Variants in RTN1 observed in about 807,000 individuals in gnomAD.
The protein encoded by RTN1 is reticulon-1.
In RTN1, 25 loss-of-function variants were observed where a neutral mutation model predicts 65.5. The ratio of observed to expected loss-of-function variants is 0.38; its 90% confidence interval spans 0.28 to 0.53. The LOEUF (loss-of-function observed/expected upper bound fraction) is 0.53. RTN1 is among the 20% of genes least tolerant of loss of function. The pLI, the probability that RTN1 is intolerant of heterozygous loss-of-function variation, is 0.79. For synonymous variants in RTN1, 471 were observed against 447.6 expected (o/e 1.05, Z -0.66); for missense variants, 983 against 1,025.4 (o/e 0.96, Z 0.57).
intron 1 of RTN1, among the ~76,000 whole-genome samples, chr14:59,817,802 T>C (rs1886849780): frequency 6.6e-6 from 1 of 152,204 alleles, no homozygotes; most frequent in African/African-American, 2.4e-5. Context: ...TCTCTATTTT[T>C]GCTAGTTAAA....
chr14:59,749,877 A>C (rs1169569138), intron 1 of RTN1, among the ~76,000 whole-genome samples: 5 of 113,606 alleles, frequency 4.4e-5, no homozygotes, highest in Non-Finnish European at 8.3e-5. Context: ...TTATATATCT[A>C]TATATATACA....
intron 3 of RTN1, among the ~76,000 whole-genome samples, chr14:59,690,298 C>T (rs747571570): frequency 3.4e-5 from 5 of 147,054 alleles, no homozygotes; most frequent in Non-Finnish European, 5.9e-5. Context: ...AAACAAAGAG[C>T]GGAGGTGGGG....
Position 59,745,360 on chromosome 14 carries a change from C to G in RTN1, c.1015+348G>C, listed in dbSNP as rs1026618982. Among the ~76,000 whole-genome samples, 14 of 152,266 alleles carry G rather than the reference C, an allele frequency of 9.2e-5. No individual in the cohort carries two copies. The East Asian group carries it at 2.7e-3, about 29-fold the overall frequency. On this transcript the variant is annotated intron_variant, in intron 2 of 8. Coordinates refer to ENST00000267484, the MANE Select transcript of RTN1 (RefSeq NM_021136.3). ...AACCCAGATCCTAGCCGAAAGCTAA[C>G]TGAGAAGCAGGCAGTACTGAATTCT...
chr14:59,724,200 C>T (rs968360595), intron 3 of RTN1, among the ~76,000 whole-genome samples: 5 of 152,170 alleles, frequency 3.3e-5, no homozygotes, highest in South Asian at 4.1e-4. Context: ...GAAAGAACTG[C>T]GTTTTGTCTC....
At chr14:59,755,686 T>C (rs1885623813) in intron 1 of RTN1, among the ~76,000 whole-genome samples, 1 of 152,198 alleles carries the variant, frequency 6.6e-6, no homozygotes, top group South Asian at 2.1e-4. Context: ...GGAACCTCTA[T>C]GTCACCTAGA....
chr14:59,648,486 A>G (rs2140197439), intron 3 of RTN1, among the ~76,000 whole-genome samples: 1 of 152,278 alleles, frequency 6.6e-6, no homozygotes, highest in Admixed American at 6.5e-5. Context: ...GAGACACAAC[A>G]AAGAAAACTT....
chr14:59,828,847 T>C (rs1353091646), intron 1 of RTN1, among the ~76,000 whole-genome samples: 1 of 152,176 alleles, frequency 6.6e-6, no homozygotes, highest in African/African-American at 2.4e-5. Context: ...TACTCATAGA[T>C]AAATTTTCCA....
At chr14:59,616,868 G>A (rs1882116542) in intron 3 of RTN1, among the ~76,000 whole-genome samples, 1 of 152,180 alleles carries the variant, frequency 6.6e-6, no homozygotes, top group Non-Finnish European at 1.5e-5. Flanking sequence ...GTTAAACATT[G>A]CTAAACCTTT....
At chr14:59,624,239 C>T (rs1429992553) in intron 3 of RTN1, among the ~76,000 whole-genome samples, 4 of 152,100 alleles carry the variant, frequency 2.6e-5, no homozygotes, top group Non-Finnish European at 5.9e-5. Context: ...AAATAGAACA[C>T]TATACTTTTA....
At chr14:59,844,321 G>C (rs1025321939) in intron 1 of RTN1, among the ~76,000 whole-genome samples, 1 of 152,148 alleles carries the variant, frequency 6.6e-6, no homozygotes, top group African/African-American at 2.4e-5. Context: ...GTTAGTTAGT[G>C]GGGAGTGGGC....
chr14:59,783,343 C>T (rs1454855518), intron 1 of RTN1, among the ~76,000 whole-genome samples: 1 of 152,102 alleles, frequency 6.6e-6, no homozygotes, highest in Non-Finnish European at 1.5e-5. Flanking sequence ...GGGGTTATAC[C>T]TTATGAGAAA....
At chr14:59,646,204 A>G (rs1018189639) in intron 3 of RTN1, among the ~76,000 whole-genome samples, 1 of 152,268 alleles carries the variant, frequency 6.6e-6, no homozygotes, top group African/African-American at 2.4e-5. Context: ...ACTGAGGAAG[A>G]AATCTCAGAA....
intron 1 of RTN1, among the ~76,000 whole-genome samples, chr14:59,756,926 C>T (rs1024018292): frequency 2.0e-5 from 3 of 151,236 alleles, no homozygotes; most frequent in African/African-American, 7.3e-5. Flanking sequence ...TGGGTTCAAG[C>T]GATTCTCCTG....
At chr14:59,665,660 A>G (rs1300575306) in intron 3 of RTN1, among the ~76,000 whole-genome samples, 1 of 152,206 alleles carries the variant, frequency 6.6e-6, no homozygotes, top group Admixed American at 6.5e-5. Flanking sequence ...TTGGATAAAG[A>G]GTCAAGACCC....
Position 59,746,061 on chromosome 14 carries a change from T to C in RTN1, c.662A>G (p.Asp221Gly), listed in dbSNP as rs1885215367. 14 of 1,614,048 alleles carry C rather than the reference T, an allele frequency of 8.7e-6. No homozygotes were observed. Among genetic ancestry groups the C allele is most frequent in the African/African-American group, 1.3e-5 (1 of 74,930 alleles). Residue 221 changes from aspartate to glycine, a missense_variant, in exon 2 of 9, where the codon GAC becomes GGC. Physicochemically the swap from Asp to Gly is moderately conservative, Grantham distance 94. Coordinates refer to ENST00000267484, the MANE Select transcript of RTN1 (RefSeq NM_021136.3). ...GATGTCAGTGTCTTTATTCTTAAAG[T>C]CCAAGTCTTTATCTTCCAGCTCGGG... ...HHPELEDKDL[D>G]FKNKDTDISI... is the part of the protein sequence containing the mutation.
chr14:59,699,816 A>G (rs1432052937), intron 3 of RTN1, among the ~76,000 whole-genome samples: 2 of 152,174 alleles, frequency 1.3e-5, no homozygotes, highest in Non-Finnish European at 2.9e-5. Context: ...AAGCCATCCA[A>G]TCTTATTTAT....
rs899226436 is a variant in RTN1 at position 59,726,751 on chromosome 14, A to T, written c.1765+168T>A. ...TGCCACCGACTTCTGTCCCAGCTGC[A>T]GATCTGAATTCTCTCATCTCCTCCC... On this transcript the variant is annotated intron_variant, in intron 3 of 8. Transcript: ENST00000267484. Among the ~76,000 whole-genome samples the T allele has an allele frequency of 2.6e-5, 4 of 152,130 alleles. No homozygotes were observed. The East Asian group carries it at 7.7e-4, about 29-fold the overall frequency.
chr14:59,677,355 G>C (rs1243302465), intron 3 of RTN1, among the ~76,000 whole-genome samples: 1 of 152,094 alleles, frequency 6.6e-6, no homozygotes, highest in Non-Finnish European at 1.5e-5. Flanking sequence ...CTTTTTCCAG[G>C]GATGCTGGTA....
At chr14:59,688,867 C>G (rs565026566) in intron 3 of RTN1, among the ~76,000 whole-genome samples, 14 of 152,166 alleles carry the variant, frequency 9.2e-5, no homozygotes, top group Admixed American at 9.2e-4. Flanking sequence ...GCCAGCATTT[C>G]CAGATGGGAA....
Sources: gnomAD v4.1 joint callset for allele counts (sites outside exome capture counted in the v4.1 genomes callset) on GRCh38, gnomAD v4.1.1 for gene constraint, MANE v1.5 for transcripts, NCBI Gene and HGNC (gene_info 2026-07-23, HGNC 2026-07-21) for gene names.